The following GAREM1 variants were observed in gnomAD, a reference collection of about 807,000 sequenced individuals.
GAREM1 encodes the protein GRB2 associated regulator of MAPK1 subtype 1, also known as GRB2-associated and regulator of MAPK protein 1.
Under a neutral mutation model 71.3 loss-of-function variants are expected in GAREM1, and 26 were observed. The ratio of observed to expected loss-of-function variants is 0.36; its 90% CI spans 0.27 to 0.51. GAREM1 has a LOEUF of 0.51. GAREM1 is among the 20% of genes least tolerant of loss of function. The probability of loss-of-function intolerance (pLI) is 0.95; values close to 1 mark genes in which losing one functional copy is unlikely to be tolerated. For missense variants in GAREM1, 1,026 were observed against 1,103.1 expected (o/e 0.93, Z 0.99); for synonymous variants, 440 against 433.2 (o/e 1.02, Z -0.20).
intron 3 of GAREM1, among the ~76,000 whole-genome samples, chr18:32,293,487 TG>T (rs2047107923): frequency 6.6e-6 from 1 of 152,178 alleles, no homozygotes; most frequent in Admixed American, 6.5e-5. Flanking sequence ...AAGTCCATGC[TG>T]ATAGCAAAAA....
At chr18:32,412,003 C>A (rs2048423833) in intron 1 of GAREM1, among the ~76,000 whole-genome samples, 3 of 152,000 alleles carry the variant, frequency 2.0e-5, no homozygotes, top group Non-Finnish European at 4.4e-5. Context: ...TTCCACAGAA[C>A]AGAAACTAAA....
chr18:32,344,062 C>T (rs1254811225), intron 2 of GAREM1, among the ~76,000 whole-genome samples: 1 of 152,152 alleles, frequency 6.6e-6, no homozygotes, highest in Non-Finnish European at 1.5e-5. Context: ...CTGGTCTCCT[C>T]CCATCTCATC....
At chr18:32,457,232 T>A (rs1439565807) in intron 1 of GAREM1, among the ~76,000 whole-genome samples, 40 of 147,976 alleles carry the variant, frequency 2.7e-4, no homozygotes, top group Admixed American at 8.8e-4. Flanking sequence ...AGAGAGTGTG[T>A]GTGTGTGTGT....
intron 1 of GAREM1, among the ~76,000 whole-genome samples, chr18:32,460,829 T>A (rs1300828462): frequency 2.0e-5 from 3 of 151,898 alleles, no homozygotes; most frequent in Non-Finnish European, 4.4e-5. Flanking sequence ...TACTCAGGAG[T>A]CATATGAAGA....
intron 1 of GAREM1, among the ~76,000 whole-genome samples, chr18:32,416,714 A>C (rs116230398): frequency 0.013 from 1,975 of 152,282 alleles, 55 homozygotes; most frequent in African/African-American, 0.045. Flanking sequence ...CCATATACAA[A>C]ATTCAAATCA....
At chr18:32,404,887 A>G (rs1225598260) in intron 1 of GAREM1, among the ~76,000 whole-genome samples, 3 of 152,204 alleles carry the variant, frequency 2.0e-5, no homozygotes, top group Non-Finnish European at 2.9e-5. Flanking sequence ...GATTGGCTGA[A>G]CTTGATATTG....
At chr18:32,297,359 A>G (rs1015321570) in intron 3 of GAREM1, among the ~76,000 whole-genome samples, 1 of 152,220 alleles carries the variant, frequency 6.6e-6, no homozygotes, top group African/African-American at 2.4e-5. Context: ...ATGGAACATC[A>G]CCATCTATTT....
At chr18:32,293,299 G>A (rs1484300533) in intron 3 of GAREM1, among the ~76,000 whole-genome samples, 1 of 152,084 alleles carries the variant, frequency 6.6e-6, no homozygotes, top group Non-Finnish European at 1.5e-5. Flanking sequence ...ATGGTACAAG[G>A]TGTGCTTGGA....
At chr18:32,302,063 C>T (rs2047206922) in intron 3 of GAREM1, among the ~76,000 whole-genome samples, 1 of 152,122 alleles carries the variant, frequency 6.6e-6, no homozygotes, top group Admixed American at 6.5e-5. Context: ...TTAAACTATA[C>T]AAGCTATTGT....
chr18:32,428,108 T>C (rs1043908159), intron 1 of GAREM1, among the ~76,000 whole-genome samples: 5 of 152,196 alleles, frequency 3.3e-5, no homozygotes, highest in African/African-American at 1.2e-4. Flanking sequence ...GCCAGCCACC[T>C]GGAGGAAAAT....
chr18:32,424,432 A>G (rs1277051145), intron 1 of GAREM1, among the ~76,000 whole-genome samples: 2 of 152,196 alleles, frequency 1.3e-5, no homozygotes, highest in Non-Finnish European at 2.9e-5. Flanking sequence ...GTAAGATAAG[A>G]TATTAGGATA....
chr18:32,394,334 G>A (rs2144661517), intron 1 of GAREM1, among the ~76,000 whole-genome samples: 1 of 152,216 alleles, frequency 6.6e-6, no homozygotes, highest in East Asian at 1.9e-4. Flanking sequence ...CCCGGGAGGT[G>A]GAGGCTACAG....
At chr18:32,293,628 T>C (rs913903957) in intron 3 of GAREM1, among the ~76,000 whole-genome samples, 25 of 152,172 alleles carry the variant, frequency 1.6e-4, no homozygotes, top group Non-Finnish European at 1.5e-4. Flanking sequence ...CATCAATAGA[T>C]CCAAATTTAT....
At chr18:32,272,626 TC>T (rs1352829349) in intron 4 of GAREM1, among the ~76,000 whole-genome samples, 3 of 150,050 alleles carry the variant, frequency 2.0e-5, no homozygotes, top group African/African-American at 7.3e-5. Flanking sequence ...CATTCTGGGG[TC>T]TTTTTTTTTT....
intron 1 of GAREM1, among the ~76,000 whole-genome samples, chr18:32,413,857 A>G (rs2048442995): frequency 6.6e-6 from 1 of 152,192 alleles, no homozygotes. Flanking sequence ...GTGGTTAGTT[A>G]CACTCCCAAG....
intron 1 of GAREM1, among the ~76,000 whole-genome samples, chr18:32,425,239 T>C (rs1260662300): frequency 2.6e-5 from 4 of 152,340 alleles, no homozygotes; most frequent in Admixed American, 6.5e-5. Context: ...ACATTAATGA[T>C]AGGAAATACA....
chr18:32,272,590 G>A (rs181096993), intron 4 of GAREM1, among the ~76,000 whole-genome samples: 12 of 152,086 alleles, frequency 7.9e-5, no homozygotes, highest in African/African-American at 2.2e-4. Flanking sequence ...TGCTTGGCTG[G>A]GCTGGCCCAG....
At chr18:32,353,489 TTTTA>T (rs2047773505) in intron 2 of GAREM1, among the ~76,000 whole-genome samples, 1 of 152,218 alleles carries the variant, frequency 6.6e-6, no homozygotes, top group Admixed American at 6.5e-5. Context: ...TTTGTCACAC[TTTTA>T]TAAGTCCTCA....
intron 2 of GAREM1, among the ~76,000 whole-genome samples, chr18:32,315,693 T>C (rs957015608): frequency 6.6e-6 from 1 of 152,008 alleles, no homozygotes; most frequent in African/African-American, 2.4e-5. Context: ...GTCTAGAATA[T>C]CTCTGCATTC....
Sources: allele counts gnomAD v4.1 joint callset (sites outside exome capture counted in the v4.1 genomes callset), GRCh38; gene constraint gnomAD v4.1.1; transcripts MANE v1.5; gene names NCBI Gene and HGNC (gene_info 2026-07-23, HGNC 2026-07-21).